Variants in INTS9 observed in about 807,000 individuals in gnomAD.
INTS9 encodes integrator complex subunit 9.
A neutral mutation model predicts 79.7 loss-of-function variants in INTS9; 55 were observed. The observed-to-expected ratio is 0.69, with a 90% CI of 0.56 to 0.86. The LOEUF is 0.86. Ranked by LOEUF, INTS9 falls within the 40% of genes least tolerant of loss-of-function variation. INTS9 has a pLI of 0.00. For missense variants in INTS9, 721 were observed against 831.5 expected (o/e 0.87, Z 1.64); for synonymous variants, 319 against 325.2 (o/e 0.98, Z 0.20).
rs879643874 is a variant in INTS9, at chr8:28,888,909, CT to C, written c.9+964del. ...AATTATATAAATGGTAAAAAATAAA[CT>C]TTTTTTTTTTTTGAGACAGAGTCTC... On this transcript the variant is annotated intron_variant, in intron 1 of 16. Coordinates refer to ENST00000521022, the MANE Select transcript of INTS9 (RefSeq NM_018250.4). Among the ~76,000 whole-genome samples, 873 of 146,222 alleles carry C rather than the reference CT, an allele frequency of 6.0e-3. 3 individuals are homozygous for C. The highest frequency in any genetic ancestry group is 6.9e-3 in the Non-Finnish European group (458 of 65,996).
At chr8:28,794,621 G>A (rs1446191988) in intron 9 of INTS9, among the ~76,000 whole-genome samples, 1 of 152,204 alleles carries the variant, frequency 6.6e-6, no homozygotes, top group Non-Finnish European at 1.5e-5. Flanking sequence ...AGGACCACAG[G>A]AAAGCCACTA....
At chr8:28,819,171 C>T (rs1410473582) in intron 6 of INTS9, among the ~76,000 whole-genome samples, 1 of 152,014 alleles carries the variant, frequency 6.6e-6, no homozygotes, top group African/African-American at 2.4e-5. Flanking sequence ...GCTCTGATTT[C>T]AGTTATTTCT....
chr8:28,861,579 T>C (rs964894990), intron 1 of INTS9, among the ~76,000 whole-genome samples: 26 of 152,354 alleles, frequency 1.7e-4, no homozygotes, highest in Non-Finnish European at 1.5e-5. Flanking sequence ...AATGAGCTTT[T>C]ACTACATTTT....
rs764657235 is a variant in INTS9, at chr8:28,796,644, T to C, written c.756A>G (p.Gln252=). The change falls in exon 9 of 17, where the codon CAA becomes CAG. Residue 252 remains glutamine (Q), a synonymous_variant. Coordinates refer to ENST00000521022, the MANE Select transcript of INTS9 (RefSeq NM_018250.4). ...GAACATCGCTGTTTTTGAGAGAAGCTTGGTCCATGGGCTGAAAAAGAACAC... is the reference window on the plus strand; with the variant it reads ...GAACATCGCTGTTTTTGAGAGAAGCCTGGTCCATGGGCTGAAAAAGAACAC... ...LLTTHPQPMD[Q]ASLKNSDVLV... is the part of the protein sequence containing the mutation. The C allele has an allele frequency of 4.3e-6, 7 of 1,611,366 alleles. No homozygotes were observed. The highest frequency in any genetic ancestry group is 5.9e-6 in the Non-Finnish European group (7 of 1,177,600).
chr8:28,778,338 T>TA (rs1235126429), intron 12 of INTS9, among the ~76,000 whole-genome samples: 2 of 152,214 alleles, frequency 1.3e-5, no homozygotes, highest in African/African-American at 2.4e-5. Flanking sequence ...AAATATCAGA[T>TA]ACCATTTTGA....
rs180932762 is a variant in INTS9, at chr8:28,801,047, C to A, written c.745-4392G>T. Among the ~76,000 whole-genome samples the A allele has an allele frequency of 1.8e-4, 27 of 152,266 alleles. No homozygotes were observed. The East Asian group carries it at 5.2e-3, about 29-fold the overall frequency. ...TCAGCCTACCTGCCACCCTAGCCCC[C>A]AAATATATTAGGTTTAACTTTTACT... On this transcript the variant is annotated intron_variant, in intron 8 of 16. Transcript: ENST00000521022.
chr8:28,778,569 C>G lies in INTS9; in HGVS notation c.1271-616G>C, dbSNP rs976420105. 3.9e-5 allele frequency among the ~76,000 whole-genome samples: 6 copies of G among 152,282 alleles called. No homozygotes were observed. In the South Asian group the frequency reaches 8.3e-4, roughly 21 times the overall value. ...CTGTAGACTGAGACTGGGATGCTCC[C>G]CAGCAGCCCCAGCCCCTCAGACCGG... On this transcript the variant is annotated intron_variant, in intron 12 of 16. Transcript: ENST00000521022.
intron 1 of INTS9, chr8:28,862,107 G>C (rs183619845): frequency 1.0e-6 from 1 of 985,316 alleles, no homozygotes; most frequent in African/African-American, 1.7e-5. Flanking sequence ...TACAGGAGGC[G>C]CTTGCAAAGG....
At chr8:28,814,089 G>C (rs971209169) in intron 6 of INTS9, among the ~76,000 whole-genome samples, 10 of 150,772 alleles carry the variant, frequency 6.6e-5, no homozygotes, top group African/African-American at 2.4e-4. Flanking sequence ...AAAAAAAATA[G>C]AGACATGGTC....
At position 28,805,740 on chromosome 8, in the gene INTS9, AAACT is replaced by A. The variant is rs540584333; in HGVS notation, c.744+6583_744+6586del. Among the ~76,000 whole-genome samples, 495 of 152,338 alleles carry A rather than the reference AAACT, an allele frequency of 3.2e-3. 3 individuals carry two copies. Among genetic ancestry groups the A allele is most frequent in the African/African-American group, 0.011 (469 of 41,580 alleles). Reference sequence around the variant, plus strand: ...TAAGTAAGATAGTCACAGAAAAAATAAACTAAGAAATAACTCAGAAGAATAAAAA... The same window carrying A: ...TAAGTAAGATAGTCACAGAAAAAATAAAGAAATAACTCAGAAGAATAAAAA... On this transcript the variant is annotated intron_variant, in intron 8 of 16. Coordinates refer to ENST00000521022, the MANE Select transcript of INTS9 (RefSeq NM_018250.4).
chr8:28,828,098 C>CAGGA (rs1488496115), intron 6 of INTS9, among the ~76,000 whole-genome samples: 1 of 152,256 alleles, frequency 6.6e-6, no homozygotes, highest in East Asian at 1.9e-4. Flanking sequence ...CCTTAAGGAG[C>CAGGA]CTCTCTCTGG....
At chr8:28,874,499 TAGTC>T (rs1563313406) in intron 1 of INTS9, among the ~76,000 whole-genome samples, 1 of 152,026 alleles carries the variant, frequency 6.6e-6, no homozygotes, top group Non-Finnish European at 1.5e-5. Flanking sequence ...TTCACTGTGT[TAGTC>T]AGGATGGTCT....
chr8:28,836,289 G>C lies in INTS9; in HGVS notation c.402-911C>G, dbSNP rs75662091. ...ACCAGGGATGAGGAATCTAAGAAATGCTGCGCTATCAGTTAGATCAAGGTA... is the reference window on the plus strand; with the variant it reads ...ACCAGGGATGAGGAATCTAAGAAATCCTGCGCTATCAGTTAGATCAAGGTA... On this transcript the variant is annotated intron_variant, in intron 5 of 16. Transcript: ENST00000521022. 5.9e-3 allele frequency among the ~76,000 whole-genome samples: 895 copies of C among 152,258 alleles called. 6 individuals are homozygous for C. Among genetic ancestry groups the C allele is most frequent in the African/African-American group, 0.021 (865 of 41,548 alleles).
rs140051024 is a variant in INTS9, at chr8:28,770,457, T to C, written c.1663-431A>G. ...GTTAGAGAAGCTGCCTACGAAATGATGACAGCAGTGAATTCTGACGGCTCA... is the reference window on the plus strand; with the variant it reads ...GTTAGAGAAGCTGCCTACGAAATGACGACAGCAGTGAATTCTGACGGCTCA... On this transcript the variant is annotated intron_variant, in intron 15 of 16. Coordinates refer to ENST00000521022, the MANE Select transcript of INTS9 (RefSeq NM_018250.4). 2.4e-3 allele frequency among the ~76,000 whole-genome samples: 368 copies of C among 152,304 alleles called. 2 individuals carry two copies. The highest frequency in any genetic ancestry group is 8.5e-3 in the African/African-American group (352 of 41,568).
At chr8:28,770,410 C>T (rs1417592099) in intron 15 of INTS9, among the ~76,000 whole-genome samples, 1 of 152,240 alleles carries the variant, frequency 6.6e-6, no homozygotes, top group Non-Finnish European at 1.5e-5. Flanking sequence ...GGAAACCCCA[C>T]CTTTGCCACC....
At chr8:28,836,655 A>T (rs1322393315) in intron 5 of INTS9, among the ~76,000 whole-genome samples, 1 of 152,168 alleles carries the variant, frequency 6.6e-6, no homozygotes, top group Non-Finnish European at 1.5e-5. Flanking sequence ...TCATAGGAAC[A>T]GTTTGGTGTG....
intron 8 of INTS9, among the ~76,000 whole-genome samples, chr8:28,809,531 C>T (rs1804991716): frequency 6.6e-6 from 1 of 152,056 alleles, no homozygotes; most frequent in African/African-American, 2.4e-5. Context: ...AAATTAATTA[C>T]TTAGGTATGT....
At chr8:28,774,737 A>T (rs1185693907) in intron 14 of INTS9, among the ~76,000 whole-genome samples, 2 of 152,066 alleles carry the variant, frequency 1.3e-5, no homozygotes, top group African/African-American at 4.8e-5. Context: ...AAGTTTTTAT[A>T]TTTCTTTTTC....
Position 28,871,748 on chromosome 8 carries a change from G to A in INTS9, c.10-12185C>T, listed in dbSNP as rs374019709. Among the ~76,000 whole-genome samples, 30 of 152,150 alleles carry A rather than the reference G, an allele frequency of 2.0e-4. 1 individual carries two copies. In the East Asian group the frequency reaches 4.8e-3, roughly 24 times the overall value. On this transcript the variant is annotated intron_variant, in intron 1 of 16. Transcript: ENST00000521022. ...GGCATGATCCTAAAGCCATGATCTT[G>A]GGAGAAAATACTGATAGACTAGATT...
Sources: gnomAD v4.1 joint callset for allele counts (sites outside exome capture counted in the v4.1 genomes callset) on GRCh38, gnomAD v4.1.1 for gene constraint, MANE v1.5 for transcripts, NCBI Gene and HGNC (gene_info 2026-07-23, HGNC 2026-07-21) for gene names.